GRM8: variants seen among roughly 807,000 people sequenced by gnomAD.
The protein encoded by GRM8 is glutamate metabotropic receptor 8, also known as metabotropic glutamate receptor 8.
In GRM8, 47 loss-of-function variants were observed where a neutral mutation model predicts 87.2. The ratio of observed to expected loss-of-function variants is 0.54; its 90% CI spans 0.43 to 0.69. The LOEUF (loss-of-function observed/expected upper bound fraction) is 0.69. Ranked by LOEUF, GRM8 falls within the 30% of genes least tolerant of loss-of-function variation. The pLI is 0.00. For missense variants in GRM8, 1,019 were observed against 1,139.2 expected (o/e 0.89, Z 1.52); for synonymous variants, 396 against 404.5 (o/e 0.98, Z 0.25).
Position 126,514,491 on chromosome 7 carries a change from T to G in GRM8, c.2430+18461A>C, listed in dbSNP as rs920278457. Among the ~76,000 whole-genome samples, 6 of 152,250 alleles carry G rather than the reference T, an allele frequency of 3.9e-5. No homozygotes were observed. In the East Asian group the frequency reaches 9.7e-4, roughly 25 times the overall value. ...TGGGTGAATATTTATGAAATGATCT[T>G]TGTATAACTGTGGTCAAAGTATGCA... On this transcript the variant is annotated intron_variant, in intron 9 of 10. Transcript: ENST00000339582.
At chr7:127,115,208 A>G (rs1330490911) in intron 2 of GRM8, among the ~76,000 whole-genome samples, 1 of 152,112 alleles carries the variant, frequency 6.6e-6, no homozygotes, top group Admixed American at 6.6e-5. Flanking sequence ...GCACAAAGGA[A>G]CCTTCCACGG....
chr7:127,110,250 G>A (rs1826221384), intron 2 of GRM8, among the ~76,000 whole-genome samples: 1 of 152,066 alleles, frequency 6.6e-6, no homozygotes, highest in South Asian at 2.1e-4. Context: ...TTACCCCTGG[G>A]TGTGCCAGAA....
intron 3 of GRM8, 93 bp from the exon 4 acceptor site, chr7:126,904,776 T>C: frequency 9.3e-7 from 1 of 1,079,148 alleles, no homozygotes. Context: ...CATACTTCTG[T>C]ATGAATATTA....
intron 3 of GRM8, among the ~76,000 whole-genome samples, chr7:127,055,776 G>C (rs1394379557): frequency 6.6e-6 from 1 of 151,534 alleles, no homozygotes; most frequent in Non-Finnish European, 1.5e-5. Flanking sequence ...TAACAATGCA[G>C]AAGAAAATAG....
chr7:126,779,569 C>A (rs1819846645), intron 6 of GRM8, among the ~76,000 whole-genome samples: 1 of 152,088 alleles, frequency 6.6e-6, no homozygotes, highest in African/African-American at 2.4e-5. Flanking sequence ...AAAGACATAA[C>A]ATAGCTACAA....
At chr7:126,507,325 G>A (rs1482944947) in intron 9 of GRM8, among the ~76,000 whole-genome samples, 1 of 152,072 alleles carries the variant, frequency 6.6e-6, no homozygotes, top group Non-Finnish European at 1.5e-5. Flanking sequence ...CTCCTTTCTG[G>A]AGATGTCAAT....
chr7:126,796,634 G>C (rs937676672), intron 6 of GRM8, among the ~76,000 whole-genome samples: 2 of 152,032 alleles, frequency 1.3e-5, no homozygotes, highest in Admixed American at 6.6e-5. Context: ...AGCACAAGAT[G>C]CCACCTCATT....
intron 7 of GRM8, among the ~76,000 whole-genome samples, chr7:126,612,492 C>T (rs1799018399): frequency 6.6e-6 from 1 of 152,150 alleles, no homozygotes; most frequent in African/African-American, 2.4e-5. Flanking sequence ...AATCTTACTC[C>T]AACCCTGGGG....
chr7:127,062,498 G>A (rs1407037263), intron 3 of GRM8, among the ~76,000 whole-genome samples: 2 of 152,220 alleles, frequency 1.3e-5, no homozygotes, highest in African/African-American at 2.4e-5. Flanking sequence ...CAGGGGACAT[G>A]GGGGTGTAAG....
chr7:126,670,613 T>C (rs906539160), intron 7 of GRM8, among the ~76,000 whole-genome samples: 1 of 152,190 alleles, frequency 6.6e-6, no homozygotes, highest in Non-Finnish European at 1.5e-5. Context: ...CTTTAACAGG[T>C]ACTTTCAAAT....
intron 9 of GRM8, among the ~76,000 whole-genome samples, chr7:126,456,236 A>T (rs1803208065): frequency 6.6e-6 from 1 of 151,486 alleles, no homozygotes; most frequent in East Asian, 2.0e-4. Context: ...CCAAGATCCT[A>T]GTAAGGAAAA....
chr7:126,972,888 C>T (rs2131787779), intron 3 of GRM8, among the ~76,000 whole-genome samples: 1 of 152,240 alleles, frequency 6.6e-6, no homozygotes, highest in South Asian at 2.1e-4. Flanking sequence ...CATAGTTCTG[C>T]CTACTGGGAA....
rs940940784 is a variant in GRM8 at position 127,198,827 on chromosome 7, A to G, written c.510+43868T>C. Among the ~76,000 whole-genome samples the G allele has an allele frequency of 1.1e-3, 158 of 139,538 alleles. 1 individual carries two copies. Among genetic ancestry groups the G allele is most frequent in the African/African-American group, 4.4e-3 (157 of 35,316 alleles). 91.5% of individuals were successfully genotyped at this position (139,538 alleles called of 152,430 possible). A position where few individuals can be genotyped will look rare whatever the true frequency, so the allele number is the denominator to read the frequency against. On this transcript the variant is annotated intron_variant, in intron 2 of 10. Transcript: ENST00000339582. ...GTAGCTGAGATTACAGGCAAGCACC[A>G]CCGTGCCTAATTTTTTTTTTTTTTT...
intron 9 of GRM8, among the ~76,000 whole-genome samples, chr7:126,519,178 A>G (rs914347823): frequency 2.0e-5 from 3 of 152,116 alleles, no homozygotes. Context: ...TCTCTTCCTG[A>G]GGAATCGCTG....
At chr7:126,616,629 C>T (rs1799522630) in intron 7 of GRM8, among the ~76,000 whole-genome samples, 1 of 151,986 alleles carries the variant, frequency 6.6e-6, no homozygotes, top group Non-Finnish European at 1.5e-5. Flanking sequence ...AGACCGCTAG[C>T]AAGACTAATA....
chr7:126,489,884 AGAACCAAGACGCAAAG>A (rs1269086013), intron 9 of GRM8, among the ~76,000 whole-genome samples: 2 of 152,022 alleles, frequency 1.3e-5, no homozygotes, highest in Non-Finnish European at 2.9e-5. Flanking sequence ...GGGCCCAAAT[AGAACCAAGACGCAAAG>A]GAAGAACAAA....
At chr7:126,793,163 C>T (rs1188893821) in intron 6 of GRM8, among the ~76,000 whole-genome samples, 2 of 152,136 alleles carry the variant, frequency 1.3e-5, no homozygotes, top group African/African-American at 4.8e-5. Context: ...CATTATGTGT[C>T]TTCTTTTTCT....
At chr7:126,570,042 A>G (rs1446614769) in intron 8 of GRM8, among the ~76,000 whole-genome samples, 2 of 152,112 alleles carry the variant, frequency 1.3e-5, no homozygotes, top group African/African-American at 4.8e-5. Context: ...GAACATTCTG[A>G]TTTTCACTGT....
At chr7:126,781,045 G>C (rs1198403870) in intron 6 of GRM8, among the ~76,000 whole-genome samples, 1 of 152,196 alleles carries the variant, frequency 6.6e-6, no homozygotes, top group East Asian at 1.9e-4. Flanking sequence ...ATAGCAAAGA[G>C]TGGTACCCAA....
Sources: gnomAD v4.1 joint callset for allele counts (sites outside exome capture counted in the v4.1 genomes callset) on GRCh38, gnomAD v4.1.1 for gene constraint, MANE v1.5 for transcripts, NCBI Gene and HGNC (gene_info 2026-07-23, HGNC 2026-07-21) for gene names.